Variants in IL7 observed in about 807,000 individuals in gnomAD.
IL7 encodes interleukin 7, also known as interleukin-7.
IL7 carries 3 observed loss-of-function variants against 21.6 expected under a neutral mutation model. The observed-to-expected ratio is 0.14, with a 90% confidence interval of 0.06 to 0.36. The LOEUF (loss-of-function observed/expected upper bound fraction) is 0.36, where lower values mean the gene tolerates loss of function less well. Among genes scored for constraint, IL7 ranks in the 10% least tolerant of loss-of-function variants. The pLI, the probability that IL7 is intolerant of heterozygous loss-of-function variation, is 1.00. For missense variants in IL7, 175 were observed against 200.2 expected, an observed-to-expected ratio of 0.87 and a Z score of 0.76; for synonymous variants, 62 against 68.1, an observed-to-expected ratio of 0.91 and a Z score of 0.44.
chr8:78,678,451 A>G (rs1809655965), intron 4 of IL7: 3 of 732,650 alleles, frequency 4.1e-6, no homozygotes, highest in Non-Finnish European at 6.8e-6. Flanking sequence ...TTTTGTATTC[A>G]GGTTTTTCAT....
chr8:78,706,303 G>T (rs1810769201), intron 3 of IL7, among the ~76,000 whole-genome samples: 2 of 152,066 alleles, frequency 1.3e-5, no homozygotes, highest in African/African-American at 4.8e-5. Flanking sequence ...TTTTCCTAAG[G>T]GTATGTACGG....
chr8:78,775,173 G>A (rs1278453939), intron 2 of IL7, among the ~76,000 whole-genome samples: 1 of 152,038 alleles, frequency 6.6e-6, no homozygotes, highest in Non-Finnish European at 1.5e-5. Context: ...TCCAGGTGTG[G>A]TTATATAAGT....
intron 2 of IL7, among the ~76,000 whole-genome samples, chr8:78,793,863 C>A (rs1033766332): frequency 2.0e-5 from 3 of 152,178 alleles, no homozygotes; most frequent in Middle Eastern, 3.4e-3. Flanking sequence ...TAAATTTTTT[C>A]TTGTCATTTC....
chr8:78,790,947 A>C (rs553900569), intron 2 of IL7, among the ~76,000 whole-genome samples: 8 of 152,084 alleles, frequency 5.3e-5, no homozygotes, highest in African/African-American at 1.9e-4. Flanking sequence ...AAAATGATTC[A>C]TATTTCCCGA....
chr8:78,689,114 A>G, intron 3 of IL7: 1 of 770,344 alleles, frequency 1.3e-6, no homozygotes, highest in Non-Finnish European at 1.8e-6. Flanking sequence ...TTTGCTTATC[A>G]GATGTTATTA....
At chr8:78,677,872 C>T (rs566427836) in intron 4 of IL7, among the ~76,000 whole-genome samples, 2 of 152,304 alleles carry the variant, frequency 1.3e-5, no homozygotes, top group African/African-American at 4.8e-5. Context: ...ATAGACAGAG[C>T]AGCCCTGAAG....
At chr8:78,695,915 T>C (rs1174837564) in intron 3 of IL7, among the ~76,000 whole-genome samples, 3 of 152,232 alleles carry the variant, frequency 2.0e-5, no homozygotes, top group African/African-American at 7.2e-5. Context: ...AAGGATATAA[T>C]GTTTGACTTC....
intron 4 of IL7, among the ~76,000 whole-genome samples, chr8:78,680,273 C>T (rs892937344): frequency 2.8e-4 from 35 of 124,742 alleles, no homozygotes; most frequent in Non-Finnish European, 3.3e-4. Context: ...GGCGACAGAG[C>T]GAGACTCCGT....
chr8:78,751,252 G>A (rs1812161599), intron 2 of IL7, among the ~76,000 whole-genome samples: 1 of 152,002 alleles, frequency 6.6e-6, no homozygotes, highest in Non-Finnish European at 1.5e-5. Flanking sequence ...GCAAAGTGGA[G>A]AAAAGAAACA....
At chr8:78,803,899 G>A (rs1422019125) in intron 1 of IL7, among the ~76,000 whole-genome samples, 1 of 152,108 alleles carries the variant, frequency 6.6e-6, no homozygotes, top group Non-Finnish European at 1.5e-5. Context: ...TTACCCACGA[G>A]AGTGGAAAGA....
intron 3 of IL7, among the ~76,000 whole-genome samples, chr8:78,705,906 C>G (rs1212579135): frequency 6.6e-6 from 1 of 152,010 alleles, no homozygotes; most frequent in Non-Finnish European, 1.5e-5. Flanking sequence ...CACTTTCGTC[C>G]CAGTTGGCTT....
chr8:78,676,019 T>G (rs1238677861), exon 5 of IL7: 10 of 478,792 alleles, frequency 2.1e-5, no homozygotes, highest in Non-Finnish European at 2.8e-5. Flanking sequence ...GCTATGCCAT[T>G]CTTCCAGAAT....
intron 4 of IL7, among the ~76,000 whole-genome samples, chr8:78,681,099 C>T (rs1380691846): frequency 6.6e-6 from 1 of 150,860 alleles, no homozygotes; most frequent in African/African-American, 2.4e-5. Flanking sequence ...AAGTGGTTCT[C>T]ATAGGATCTG....
intron 5 of IL7, among the ~76,000 whole-genome samples, chr8:78,735,703 G>T (rs911447811): frequency 6.6e-6 from 1 of 152,110 alleles, no homozygotes; most frequent in Non-Finnish European, 1.5e-5. Flanking sequence ...GTTCCACTTT[G>T]CATAGAATCC....
chr8:78,675,199 A>C (rs1320604581), downstream of IL7, among the ~76,000 whole-genome samples: 1 of 151,712 alleles, frequency 6.6e-6, no homozygotes, highest in Non-Finnish European at 1.5e-5. Context: ...TAAGGTCAGA[A>C]TATCTCCATT....
chr8:78,695,464 C>T (rs1810369256), intron 3 of IL7, among the ~76,000 whole-genome samples: 1 of 152,140 alleles, frequency 6.6e-6, no homozygotes, highest in Admixed American at 6.5e-5. Flanking sequence ...CATCAGCGCA[C>T]TTTGTTTATG....
intron 3 of IL7, among the ~76,000 whole-genome samples, chr8:78,712,565 G>C (rs1447935689): frequency 6.6e-6 from 1 of 152,100 alleles, no homozygotes; most frequent in Non-Finnish European, 1.5e-5. Context: ...TTCAATCCAA[G>C]GGTCCTTAGT....
chr8:78,734,601 C>T (rs915964987), intron 5 of IL7, among the ~76,000 whole-genome samples: 6 of 152,250 alleles, frequency 3.9e-5, no homozygotes, highest in African/African-American at 1.4e-4. Flanking sequence ...ACACTCTTCA[C>T]AGTTGAGCCC....
downstream of IL7, chr8:78,717,338 G>T (rs1180155040): frequency 1.2e-6 from 2 of 1,607,878 alleles, no homozygotes; most frequent in East Asian, 4.5e-5. Context: ...GCCAGATGGG[G>T]ACTGTGCATC....
Sources: gnomAD v4.1 joint callset for allele counts (sites outside exome capture counted in the v4.1 genomes callset) on GRCh38, gnomAD v4.1.1 for gene constraint, MANE v1.5 for transcripts, NCBI Gene and HGNC (gene_info 2026-07-23, HGNC 2026-07-21) for gene names.